Variants in RBMS3 observed in about 807,000 individuals in gnomAD.
RBMS3 encodes RNA-binding motif, single-stranded-interacting protein 3.
Under a neutral mutation model 66.8 loss-of-function variants are expected in RBMS3, and 27 were observed. The ratio of observed to expected loss-of-function variants is 0.40; its 90% confidence interval spans 0.30 to 0.56. RBMS3 has a LOEUF of 0.56. Ranked by LOEUF, RBMS3 falls within the 20% of genes least tolerant of loss-of-function variation. The pLI is 0.40. For missense variants in RBMS3, 513 were observed against 549.5 expected (o/e 0.93, Z 0.66); for synonymous variants, 188 against 183.0 (o/e 1.03, Z -0.22).
intron 1 of RBMS3, among the ~76,000 whole-genome samples, chr3:29,306,998 G>A (rs911192029): frequency 5.3e-5 from 8 of 151,750 alleles, no homozygotes; most frequent in African/African-American, 1.2e-4. Context: ...AAATTTATTC[G>A]TTAGATTAAT....
At chr3:29,393,807 G>A (rs994128256) in intron 1 of RBMS3, among the ~76,000 whole-genome samples, 2 of 152,096 alleles carry the variant, frequency 1.3e-5, no homozygotes, top group Admixed American at 1.3e-4. Context: ...CACAAAACCA[G>A]CAAGTTTTTA....
chr3:29,673,721 GAATAGACC>G (rs1456745719), intron 4 of RBMS3, among the ~76,000 whole-genome samples: 1 of 152,094 alleles, frequency 6.6e-6, no homozygotes, highest in Non-Finnish European at 1.5e-5. Context: ...TTGAATCCCT[GAATAGACC>G]AATGACAGGC....
At chr3:29,720,434 G>A (rs2053593956) in intron 4 of RBMS3, among the ~76,000 whole-genome samples, 2 of 151,956 alleles carry the variant, frequency 1.3e-5, no homozygotes, top group African/African-American at 4.8e-5. Flanking sequence ...GTAACCCTAT[G>A]GTAGTAGTAG....
intron 2 of RBMS3, among the ~76,000 whole-genome samples, chr3:29,470,495 G>A (rs2042688339): frequency 6.6e-6 from 1 of 151,942 alleles, no homozygotes; most frequent in Non-Finnish European, 1.5e-5. Flanking sequence ...GTGTTTGTAG[G>A]AAGAAGTCTT....
At chr3:29,347,850 C>G (rs2036670260) in intron 1 of RBMS3, among the ~76,000 whole-genome samples, 1 of 152,130 alleles carries the variant, frequency 6.6e-6, no homozygotes, top group African/African-American at 2.4e-5. Flanking sequence ...GTATGAAATA[C>G]TGAAACATTC....
Position 29,476,517 on chromosome 3 carries a change from C to T in RBMS3, c.249-11924C>T, listed in dbSNP as rs372793710. Among the ~76,000 whole-genome samples, 247 of 152,282 alleles carry T rather than the reference C, an allele frequency of 1.6e-3. 1 individual carries two copies. Among genetic ancestry groups the T allele is most frequent in the African/African-American group, 5.8e-3 (241 of 41,566 alleles). ...ATTTAGCTAAAGACTGGACAATGGG[C>T]TCCCTAGTATAGTTCCACAAGGATT... On this transcript the variant is annotated intron_variant, in intron 2 of 14. Transcript: ENST00000383767.
intron 4 of RBMS3, among the ~76,000 whole-genome samples, chr3:29,654,521 CGTGTGTGT>C (rs56163408): frequency 0.063 from 7,464 of 118,914 alleles, 288 homozygotes; most frequent in African/African-American, 0.11. Flanking sequence ...GAATTGGATT[CGTGTGTGT>C]GTGTGTGTGT....
intron 4 of RBMS3, among the ~76,000 whole-genome samples, chr3:29,662,674 CT>C (rs2050603385): frequency 6.6e-6 from 1 of 152,130 alleles, no homozygotes; most frequent in Non-Finnish European, 1.5e-5. Context: ...AAATAATTAT[CT>C]TTGAATCCTA....
intron 11 of RBMS3, among the ~76,000 whole-genome samples, chr3:29,939,069 A>G (rs2061333687): frequency 6.6e-6 from 1 of 151,912 alleles, no homozygotes; most frequent in South Asian, 2.1e-4. Context: ...AGTAAAATCC[A>G]TGGTATAAAT....
At position 30,004,387 on chromosome 3, in the gene RBMS3, T is replaced by C. The variant is rs1053622066; in HGVS notation, c.*525T>C. The C allele has an allele frequency of 2.0e-5, 3 of 152,170 alleles. No individual in the cohort carries two copies. The highest frequency in any genetic ancestry group is 6.6e-5 in the Admixed American group (1 of 15,192). 9.4% of individuals were successfully genotyped at this position (152,170 alleles called of 1,614,324 possible). Reference sequence around the variant, plus strand: ...AGGTAAGGTTTATCTTGAATCTTAATTGCCTTAATTTTAAGGACGTCAAAG... The same window carrying C: ...AGGTAAGGTTTATCTTGAATCTTAACTGCCTTAATTTTAAGGACGTCAAAG... On this transcript the variant is annotated 3_prime_UTR_variant, in exon 15 of 15. Transcript: ENST00000383767.
At chr3:29,319,013 C>T (rs1346570370) in intron 1 of RBMS3, among the ~76,000 whole-genome samples, 3 of 151,892 alleles carry the variant, frequency 2.0e-5, no homozygotes, top group Non-Finnish European at 4.4e-5. Context: ...AGATATAAAA[C>T]AGGACCAGGT....
intron 3 of RBMS3, among the ~76,000 whole-genome samples, chr3:29,577,462 C>A (rs2047159607): frequency 1.3e-5 from 2 of 152,176 alleles, no homozygotes; most frequent in African/African-American, 4.8e-5. Flanking sequence ...GCTCTGAGCC[C>A]AGTCCAGCAC....
intron 1 of RBMS3, among the ~76,000 whole-genome samples, chr3:29,336,838 A>G (rs1054766492): frequency 1.3e-5 from 2 of 152,180 alleles, no homozygotes; most frequent in Non-Finnish European, 2.9e-5. Context: ...TGGAAAGACA[A>G]AAAAGACAAT....
chr3:29,839,821 T>C (rs993572355), intron 6 of RBMS3, among the ~76,000 whole-genome samples: 9 of 151,630 alleles, frequency 5.9e-5, no homozygotes, highest in Non-Finnish European at 1.2e-4. Flanking sequence ...TTAGAAAAAA[T>C]TGTTTGAAAT....
chr3:29,761,345 T>C (rs2055678670), intron 5 of RBMS3, among the ~76,000 whole-genome samples: 1 of 152,134 alleles, frequency 6.6e-6, no homozygotes, highest in South Asian at 2.1e-4. Flanking sequence ...GTTCCTGATA[T>C]TATCTTCAAA....
chr3:29,416,601 A>G (rs1561374), intron 1 of RBMS3, among the ~76,000 whole-genome samples: 64,591 of 151,812 alleles, frequency 0.43, 14,051 homozygotes, highest in African/African-American at 0.52. Flanking sequence ...TAAGTTGGGT[A>G]AGAGATGCAT....
At chr3:29,377,487 C>G (rs79166398) in intron 1 of RBMS3, among the ~76,000 whole-genome samples, 1 of 152,046 alleles carries the variant, frequency 6.6e-6, no homozygotes, top group African/African-American at 2.4e-5. Context: ...CTTATGACCC[C>G]GCTGCCTACC....
intron 4 of RBMS3, among the ~76,000 whole-genome samples, chr3:29,705,846 C>A (rs923565696): frequency 6.6e-6 from 1 of 152,142 alleles, no homozygotes. Context: ...GGCACTAAGT[C>A]CATACAGTTG....
intron 1 of RBMS3, among the ~76,000 whole-genome samples, chr3:29,425,189 C>CA (rs35181201): frequency 0.34 from 38,296 of 114,234 alleles, 5,795 homozygotes; most frequent in African/African-American, 0.41. Flanking sequence ...TAAAAAATAC[C>CA]AAAAAAAAAA....
Sources: allele counts gnomAD v4.1 joint callset (sites outside exome capture counted in the v4.1 genomes callset), GRCh38; gene constraint gnomAD v4.1.1; transcripts MANE v1.5; gene names NCBI Gene and HGNC (gene_info 2026-07-23, HGNC 2026-07-21).